SOX6: variants seen among roughly 807,000 people sequenced by gnomAD.
SOX6 encodes transcription factor SOX-6.
A neutral mutation model predicts 97.8 loss-of-function variants in SOX6; 11 were observed. That is an observed-to-expected ratio of 0.11 (90% CI 0.07 to 0.19). The LOEUF is 0.19. Among genes scored for constraint, SOX6 ranks in the 10% least tolerant of loss-of-function variants. The pLI is 1.00. For synonymous variants in SOX6, 360 were observed against 371.4 expected, an observed-to-expected ratio of 0.97 and a Z score of 0.35; for missense variants, 810 against 1,039.5, an observed-to-expected ratio of 0.78 and a Z score of 3.04.
intron 13 of SOX6, among the ~76,000 whole-genome samples, chr11:15,989,692 T>C (rs1447451334): frequency 6.6e-6 from 1 of 152,200 alleles, no homozygotes; most frequent in African/African-American, 2.4e-5. Context: ...TCCTACTCTT[T>C]CATGCTAAAT....
At chr11:16,074,080 A>G (rs1330764194) in intron 9 of SOX6, among the ~76,000 whole-genome samples, 1 of 152,168 alleles carries the variant, frequency 6.6e-6, no homozygotes, top group Non-Finnish European at 1.5e-5. Flanking sequence ...AACTACCAGA[A>G]GACAAGAAAT....
chr11:16,545,747 T>C (rs1464393340), intron 4 of SOX6, among the ~76,000 whole-genome samples: 1 of 151,716 alleles, frequency 6.6e-6, no homozygotes, highest in Non-Finnish European at 1.5e-5. Context: ...AGCCCAGGAG[T>C]TCAAGACTAC....
Position 16,523,756 on chromosome 11 carries a change from A to G in SOX6, n.610-47368T>C, listed in dbSNP as rs565447744. On this transcript the variant is annotated intron_variant and non_coding_transcript_variant, in intron 4 of 5. Coordinates refer to the SOX6 transcript ENST00000524520. ...ACTAGCAAGACTAATAAAGAAAAAA[A>G]GAAAGAAGAATCAAATAGACTCAAT... 3.9e-3 allele frequency among the ~76,000 whole-genome samples: 593 copies of G among 152,334 alleles called. 1 individual carries two copies. The highest frequency in any genetic ancestry group is 7.2e-3 in the Non-Finnish European group (492 of 68,026).
intron 6 of SOX6, among the ~76,000 whole-genome samples, chr11:16,179,109 C>T (rs1252073150): frequency 2.0e-5 from 3 of 151,798 alleles, no homozygotes; most frequent in African/African-American, 7.3e-5. Flanking sequence ...AAAAGGTAGT[C>T]CTTTATTCTG....
intron 1 of SOX6, among the ~76,000 whole-genome samples, chr11:16,373,489 T>C (rs1857547356): frequency 2.0e-5 from 3 of 152,064 alleles, no homozygotes; most frequent in Non-Finnish European, 2.9e-5. Context: ...ACTCCTACAA[T>C]ATTAGATAGT....
chr11:15,996,601 AG>A (rs1383909755), intron 13 of SOX6, among the ~76,000 whole-genome samples: 3 of 152,192 alleles, frequency 2.0e-5, no homozygotes, highest in African/African-American at 7.2e-5. Flanking sequence ...TGATGGAACA[AG>A]ACCTTGACTC....
chr11:16,349,332 C>A (rs1433554862), intron 1 of SOX6, among the ~76,000 whole-genome samples: 2 of 152,052 alleles, frequency 1.3e-5, no homozygotes, highest in African/African-American at 4.8e-5. Context: ...TGTCCTACAG[C>A]TAGGCCTGCT....
At chr11:16,374,338 T>C (rs1462135133) in intron 1 of SOX6, among the ~76,000 whole-genome samples, 1 of 152,132 alleles carries the variant, frequency 6.6e-6, no homozygotes, top group Non-Finnish European at 1.5e-5. Context: ...AATTATAACA[T>C]ATAGTAACTT....
chr11:16,663,007 C>T (rs1847777825), intron 3 of SOX6, among the ~76,000 whole-genome samples: 1 of 147,448 alleles, frequency 6.8e-6, no homozygotes, highest in East Asian at 2.0e-4. Flanking sequence ...AAAGTATTAA[C>T]AAAACAAAAA....
At chr11:16,363,600 T>C (rs1565113926) in intron 1 of SOX6, among the ~76,000 whole-genome samples, 1 of 152,140 alleles carries the variant, frequency 6.6e-6, no homozygotes, top group Non-Finnish European at 1.5e-5. Context: ...CCTGTCTGAG[T>C]GCTATTCTAG....
chr11:16,015,047 T>C lies in SOX6; in HGVS notation c.1627A>G (p.Arg543Gly), dbSNP rs898875037. Residue 543 changes from arginine to glycine, a missense_variant, in exon 13 of 16, where the codon AGA becomes GGA. By Grantham distance (125) the Arg-to-Gly change is moderately radical. Around this residue, in one of 9 missense-constraint regions of SOX6, gnomAD observed 120 missense variants for 127.0 expected, o/e 0.94. Coordinates refer to ENST00000683767, the MANE Select transcript of SOX6 (RefSeq NM_001367873.1). ...GLNSCRNEKE[R>G]TRFENLGPQL... The stretch of plus-strand genomic sequence containing the variant: ...GGCCCCAAATTCTCAAAGCGCGTTC[T>C]TTCCTAGAGGAACAAATAATCAGAG... 2 of 1,612,446 alleles carry C rather than the reference T, an allele frequency of 1.2e-6. No homozygotes were observed. Among genetic ancestry groups the C allele is most frequent in the Admixed American group, 3.3e-5 (2 of 59,838 alleles).
At chr11:16,398,741 A>G (rs1242132644) in intron 1 of SOX6, among the ~76,000 whole-genome samples, 3 of 150,988 alleles carry the variant, frequency 2.0e-5, no homozygotes, top group Non-Finnish European at 4.4e-5. Flanking sequence ...AAAGGCAGAC[A>G]TGGCAGCCAG....
chr11:16,409,153 GC>G (rs1454197976), intron 1 of SOX6, among the ~76,000 whole-genome samples: 1 of 151,754 alleles, frequency 6.6e-6, no homozygotes, highest in Non-Finnish European at 1.5e-5. Flanking sequence ...TAAACCATAG[GC>G]CTGCCAAAAA....
chr11:16,196,305 C>T (rs1345374171), intron 4 of SOX6, among the ~76,000 whole-genome samples: 1 of 152,178 alleles, frequency 6.6e-6, no homozygotes, highest in Non-Finnish European at 1.5e-5. Context: ...GATTCAAAAT[C>T]AGAAAGTCTG....
intron 3 of SOX6, among the ~76,000 whole-genome samples, chr11:16,701,768 G>C (rs958983643): frequency 1.4e-5 from 2 of 138,612 alleles, no homozygotes; most frequent in Non-Finnish European, 3.1e-5. Context: ...CGGGACGGAG[G>C]GGTTCGGGGG....
Position 15,973,021 on chromosome 11 carries a change from T to C in SOX6, c.2275A>G (p.Thr759Ala). The change falls in exon 16 of 16, where the codon ACA becomes GCA. Residue 759 changes from threonine to alanine, a missense_variant. Physicochemically the swap from Thr to Ala is moderately conservative, Grantham distance 58 (BLOSUM62 0). Around this residue, in one of 9 missense-constraint regions of SOX6, gnomAD observed 122 missense variants for 153.4 expected, o/e 0.80. Transcript: ENST00000683767. Reference protein sequence around the residue: ...MATTTPSPQMTSDCSSTSASP... With the variant: ...MATTTPSPQMASDCSSTSASP... ...GCCGAGGTGCTAGAGCAGTCAGATG[T>C]CATCTGAGGCGATGGTGTGGTAGTT... The C allele has an allele frequency of 6.2e-7, 1 of 1,614,036 alleles. No individual in the cohort carries two copies.
upstream of SOX6, among the ~76,000 whole-genome samples, chr11:16,479,275 A>T (rs1189757135): frequency 6.6e-6 from 1 of 152,192 alleles, no homozygotes; most frequent in East Asian, 1.9e-4. Context: ...CATGCCTGTA[A>T]TCCCAACACT....
At chr11:16,310,466 T>C (rs952467131) in intron 3 of SOX6, among the ~76,000 whole-genome samples, 1 of 152,138 alleles carries the variant, frequency 6.6e-6, no homozygotes, top group Non-Finnish European at 1.5e-5. Context: ...TTAAACTATC[T>C]GGTACTAGGT....
intron 6 of SOX6, among the ~76,000 whole-genome samples, chr11:16,176,728 T>A (rs1184982136): frequency 6.6e-6 from 1 of 151,924 alleles, no homozygotes; most frequent in South Asian, 2.1e-4. Context: ...ACATTTTAGA[T>A]GTTAGGTATT....
Sources: gnomAD v4.1 joint callset for allele counts (sites outside exome capture counted in the v4.1 genomes callset) on GRCh38, gnomAD v4.1.1 for gene constraint, gnomAD v4.1.1 regional missense constraint, MANE v1.5 for transcripts, NCBI Gene and HGNC (gene_info 2026-07-23, HGNC 2026-07-21) for gene names.